Variants in SLC12A8 observed in about 807,000 individuals in gnomAD.
The protein encoded by SLC12A8 is solute carrier family 12 member 8.
A neutral mutation model predicts 75.6 loss-of-function variants in SLC12A8; 69 were observed. That is an observed-to-expected ratio of 0.91 (90% CI 0.75 to 1.11). The LOEUF (loss-of-function observed/expected upper bound fraction) is 1.11, where lower values mean the gene tolerates loss of function less well. SLC12A8 is among the 50% of genes most tolerant of loss of function. The probability of loss-of-function intolerance (pLI) is 0.00; values close to 1 mark genes in which losing one functional copy is unlikely to be tolerated. For missense variants in SLC12A8, 877 were observed against 896.7 expected (o/e 0.98, Z 0.28); for synonymous variants, 365 against 372.8 (o/e 0.98, Z 0.24).
chr3:125,184,001 A>C (rs1934720748), intron 4 of SLC12A8, among the ~76,000 whole-genome samples: 1 of 151,838 alleles, frequency 6.6e-6, no homozygotes, highest in South Asian at 2.1e-4. Context: ...GAAATGGAGT[A>C]TCGCTCTGTC....
At position 125,188,963 on chromosome 3, in the gene SLC12A8, C is replaced by T. The variant is rs145557899; in HGVS notation, c.198+1412G>A. 7.0e-4 allele frequency among the ~76,000 whole-genome samples: 107 copies of T among 152,324 alleles called. 1 individual carries two copies. The East Asian group carries it at 0.017, about 24-fold the overall frequency. On this transcript the variant is annotated intron_variant, in intron 3 of 13. Transcript: ENST00000469902. ...TCCTGTACATCCCACTATAAAGGAG[C>T]TTAAATCTCCCCAAATTTGCCTATG...
At chr3:125,085,911 C>T (rs1379521863) in intron 13 of SLC12A8, among the ~76,000 whole-genome samples, 12 of 146,062 alleles carry the variant, frequency 8.2e-5, no homozygotes, top group Admixed American at 2.0e-4. Flanking sequence ...ATTTTTTTTT[C>T]TTTTTTTTTT....
At chr3:125,147,473 T>C (rs761249927) in intron 5 of SLC12A8, among the ~76,000 whole-genome samples, 2 of 152,214 alleles carry the variant, frequency 1.3e-5, no homozygotes, top group Non-Finnish European at 2.9e-5. Context: ...GTGCCTTTTC[T>C]GCAGGCGCTT....
intron 4 of SLC12A8, among the ~76,000 whole-genome samples, chr3:125,181,578 G>A (rs1296146267): frequency 5.7e-5 from 8 of 140,792 alleles, no homozygotes; most frequent in Middle Eastern, 3.6e-3. Context: ...TCCGCAGTCC[G>A]GCCTGGGCGA....
chr3:125,084,650 T>C (rs538037109), intron 13 of SLC12A8, among the ~76,000 whole-genome samples: 117 of 152,000 alleles, frequency 7.7e-4, no homozygotes, highest in African/African-American at 2.2e-3. Flanking sequence ...GAAAGAAAAA[T>C]GTTAGGGATG....
chr3:125,130,241 T>C, intron 6 of SLC12A8, among the ~76,000 whole-genome samples: 1 of 152,182 alleles, frequency 6.6e-6, no homozygotes, highest in Admixed American at 6.5e-5. Flanking sequence ...CGACACTCCA[T>C]CTCTGAGCCA....
At chr3:125,142,683 G>C (rs777915949) in intron 5 of SLC12A8, among the ~76,000 whole-genome samples, 1 of 152,230 alleles carries the variant, frequency 6.6e-6, no homozygotes, top group African/African-American at 2.4e-5. Context: ...AGACCGGCAT[G>C]GGCCAGAGAC....
At chr3:125,129,258 G>T (rs1324790806) in intron 6 of SLC12A8, among the ~76,000 whole-genome samples, 3 of 152,224 alleles carry the variant, frequency 2.0e-5, no homozygotes, top group Non-Finnish European at 4.4e-5. Context: ...TCGTGTTCCT[G>T]GATCCCTGGA....
chr3:125,108,469 A>C (rs1005203338), intron 9 of SLC12A8, among the ~76,000 whole-genome samples: 3 of 152,044 alleles, frequency 2.0e-5, no homozygotes, highest in African/African-American at 7.2e-5. Flanking sequence ...CTTGGGCTTA[A>C]GCCATCCTCC....
At chr3:125,188,848 G>T (rs1366407468) in intron 3 of SLC12A8, among the ~76,000 whole-genome samples, 4 of 152,204 alleles carry the variant, frequency 2.6e-5, no homozygotes, top group Non-Finnish European at 5.9e-5. Flanking sequence ...TGTGGCTAAG[G>T]CCGAAACCTG....
At chr3:125,135,913 G>A (rs1023027724) in intron 5 of SLC12A8, 131 bp from the exon 6 acceptor site, 22 of 505,394 alleles carry the variant, frequency 4.4e-5, no homozygotes, top group South Asian at 4.2e-4. Flanking sequence ...GACACACAGC[G>A]ACAGAGCGGG....
At chr3:125,168,497 T>C (rs757093889) in intron 5 of SLC12A8, among the ~76,000 whole-genome samples, 1 of 151,946 alleles carries the variant, frequency 6.6e-6, no homozygotes, top group Non-Finnish European at 1.5e-5. Flanking sequence ...GCAGCGATGG[T>C]GGAAGTTTAT....
At chr3:125,181,339 C>A in intron 4 of SLC12A8, among the ~76,000 whole-genome samples, 1 of 151,860 alleles carries the variant, frequency 6.6e-6, no homozygotes, top group Non-Finnish European at 1.5e-5. Context: ...CGGTGGCTCA[C>A]GCCTGTAATC....
At chr3:125,150,656 G>GAGC (rs1439262837) in intron 5 of SLC12A8, among the ~76,000 whole-genome samples, 1 of 152,168 alleles carries the variant, frequency 6.6e-6, no homozygotes, top group African/African-American at 2.4e-5. Flanking sequence ...CTGAGAGGCT[G>GAGC]AGCTTCTGGT....
chr3:125,153,601 TGACTTCTAA>T (rs768812693), intron 5 of SLC12A8, among the ~76,000 whole-genome samples: 6 of 152,016 alleles, frequency 3.9e-5, no homozygotes, highest in Non-Finnish European at 5.9e-5. Flanking sequence ...GGCAGCCCAC[TGACTTCTAA>T]GAGATAATGA....
chr3:125,140,865 G>A (rs1429330643), intron 5 of SLC12A8, among the ~76,000 whole-genome samples: 5 of 152,288 alleles, frequency 3.3e-5, no homozygotes, highest in East Asian at 3.9e-4. Flanking sequence ...GATTACAGGC[G>A]TGAGCCACCA....
chr3:125,103,118 T>TGGCAGAGCA (rs1938926550), intron 10 of SLC12A8, among the ~76,000 whole-genome samples: 1 of 152,100 alleles, frequency 6.6e-6, no homozygotes, highest in South Asian at 2.1e-4. Flanking sequence ...TGCCTAAACT[T>TGGCAGAGCA]GGCACAGCAG....
In SLC12A8 at chr3:125,097,074, G is replaced by A. The variant is rs530080974; in HGVS notation, c.1706-4876C>T. On this transcript the variant is annotated intron_variant, in intron 10 of 13. Coordinates refer to ENST00000469902, the MANE Select transcript of SLC12A8 (RefSeq NM_024628.6). ...AACATAGGCTTAGTAAAATACAGTTGCCCTCTTGGTTATTAAGAAGGAACA... is the reference window on the plus strand; with the variant it reads ...AACATAGGCTTAGTAAAATACAGTTACCCTCTTGGTTATTAAGAAGGAACA... Among the ~76,000 whole-genome samples the A allele has an allele frequency of 2.0e-4, 30 of 152,164 alleles. 1 individual carries two copies. The South Asian group carries it at 6.0e-3, about 31-fold the overall frequency.
chr3:125,124,815 T>G (rs899002077), intron 6 of SLC12A8, among the ~76,000 whole-genome samples: 3 of 152,230 alleles, frequency 2.0e-5, no homozygotes, highest in Non-Finnish European at 4.4e-5. Flanking sequence ...GTCACAGAAA[T>G]TCTCTAGTTT....
Sources: allele counts gnomAD v4.1 joint callset (sites outside exome capture counted in the v4.1 genomes callset), GRCh38; gene constraint gnomAD v4.1.1; transcripts MANE v1.5; gene names NCBI Gene and HGNC (gene_info 2026-07-23, HGNC 2026-07-21).